RIGI: variants seen among roughly 807,000 people sequenced by gnomAD.
The protein encoded by RIGI is antiviral innate immune response receptor RIG-I.
the RIGI span, chr9:32,480,496 A>G: frequency 5.4e-6 from 4 of 747,562 alleles, no homozygotes; most frequent in Non-Finnish European, 7.8e-6. Flanking sequence ...TTTAAAGATG[A>G]ATGGCCTCTA....
the RIGI span, chr9:32,485,603 C>G: frequency 4.9e-6 from 2 of 408,470 alleles, no homozygotes; most frequent in Non-Finnish European, 9.3e-6. Flanking sequence ...TACAGTGGCG[C>G]GATCTCGGCT....
chr9:32,492,566 T>G, the RIGI span: 17 of 1,612,198 alleles, frequency 1.1e-5, no homozygotes, highest in Non-Finnish European at 1.4e-5. Flanking sequence ...AGTTTATTGA[T>G]CAATTATCTC....
the RIGI span, among the ~76,000 whole-genome samples, chr9:32,513,190 T>C: frequency 2.6e-5 from 4 of 151,992 alleles, no homozygotes; most frequent in Non-Finnish European, 5.9e-5. Flanking sequence ...AAGCTACCAA[T>C]GACTTTCTTC....
At chr9:32,512,820 C>T in the RIGI span, among the ~76,000 whole-genome samples, 1 of 151,916 alleles carries the variant, frequency 6.6e-6, no homozygotes, top group African/African-American at 2.4e-5. Context: ...TCTAGAAAAC[C>T]CCATCATCTC....
At chr9:32,480,633 A>G in the RIGI span, among the ~76,000 whole-genome samples, 3 of 152,236 alleles carry the variant, frequency 2.0e-5, no homozygotes, top group Non-Finnish European at 4.4e-5. Flanking sequence ...CACGAAAAAC[A>G]CATATCAAAA....
chr9:32,467,678 A>G, the RIGI span: 1 of 1,368,080 alleles, frequency 7.3e-7, no homozygotes, highest in Non-Finnish European at 9.8e-7. Flanking sequence ...ATGGCTCAGT[A>G]AAGAGAAAGG....
the RIGI span, chr9:32,468,081 G>A: frequency 4.5e-6 from 3 of 662,674 alleles, no homozygotes; most frequent in Non-Finnish European, 7.1e-6. Flanking sequence ...CCTAGGCAGT[G>A]GGATCTATTC....
the RIGI span, chr9:32,459,371 C>T: frequency 3.1e-6 from 5 of 1,612,414 alleles, no homozygotes; most frequent in African/African-American, 1.3e-5. Flanking sequence ...GGCAGCTTAC[C>T]TCTATCACTC....
chr9:32,501,016 C>G, the RIGI span: 1 of 1,519,504 alleles, frequency 6.6e-7, no homozygotes, highest in East Asian at 2.3e-5. Flanking sequence ...AAAGGATCAC[C>G]AGACCTTCCC....
chr9:32,460,772 G>C, the RIGI span, among the ~76,000 whole-genome samples: 2 of 143,744 alleles, frequency 1.4e-5, no homozygotes, highest in African/African-American at 5.2e-5. Context: ...AAATACACTG[G>C]GGAAAAAAAA....
chr9:32,471,305 C>T, the RIGI span, among the ~76,000 whole-genome samples: 1 of 152,136 alleles, frequency 6.6e-6, no homozygotes, highest in Non-Finnish European at 1.5e-5. Context: ...ATATTTCCAG[C>T]CCAAATCTTG....
At chr9:32,500,877 A>C in the RIGI span, 1 of 1,614,180 alleles carries the variant, frequency 6.2e-7, no homozygotes, top group South Asian at 1.1e-5. Context: ...AACTTGAGAA[A>C]AAGTGTGGCA....
chr9:32,460,832 A>G, the RIGI span, among the ~76,000 whole-genome samples: 2 of 152,182 alleles, frequency 1.3e-5, no homozygotes, highest in African/African-American at 4.8e-5. Flanking sequence ...ATGTCATGGC[A>G]CTGGAGTTCT....
chr9:32,490,815 C>G, the RIGI span, among the ~76,000 whole-genome samples: 1 of 152,226 alleles, frequency 6.6e-6, no homozygotes, highest in Non-Finnish European at 1.5e-5. Flanking sequence ...CCTCAGTGCA[C>G]TGTGTTGCAA....
chr9:32,504,867 A>AATATATTTAATACATAAAATATATAAT, the RIGI span, among the ~76,000 whole-genome samples: 11,072 of 130,894 alleles, frequency 0.085, 824 homozygotes, highest in Middle Eastern at 0.22. Context: ...AAATATATAA[A>AATATATTTAATACATAAAATATATAAT]ATATATTTAA....
the RIGI span, among the ~76,000 whole-genome samples, chr9:32,518,311 A>T: frequency 4.6e-5 from 7 of 152,030 alleles, no homozygotes; most frequent in African/African-American, 1.7e-4. Context: ...AAGGAAGGTT[A>T]TAAAGAAAAT....
the RIGI span, chr9:32,488,596 A>G: frequency 5.5e-6 from 5 of 903,954 alleles, no homozygotes; most frequent in Admixed American, 1.4e-4. Flanking sequence ...ACTTGAATCC[A>G]TGAAGGGATA....
At chr9:32,499,580 C>T in the RIGI span, among the ~76,000 whole-genome samples, 23 of 151,828 alleles carry the variant, frequency 1.5e-4, no homozygotes, top group African/African-American at 5.1e-4. Context: ...CTCAGCCTCC[C>T]GGGTAGCTGG....
the RIGI span, among the ~76,000 whole-genome samples, chr9:32,467,561 C>T: frequency 2.0e-5 from 3 of 152,160 alleles, no homozygotes; most frequent in Non-Finnish European, 4.4e-5. Context: ...AAGTGAGCAG[C>T]ATCATTGTAA....
Sources: allele counts gnomAD v4.1 joint callset (sites outside exome capture counted in the v4.1 genomes callset), GRCh38; gene constraint gnomAD v4.1.1; transcripts MANE v1.5; gene names NCBI Gene and HGNC (gene_info 2026-07-23, HGNC 2026-07-21).